The following NHS variants were observed in gnomAD, a reference collection of about 807,000 sequenced individuals.
NHS encodes actin remodeling regulator NHS.
Under a neutral mutation model 72.5 loss-of-function variants are expected in NHS, and 5 were observed. The observed-to-expected ratio is 0.07, with a 90% confidence interval of 0.04 to 0.14. The LOEUF is 0.14. Among genes scored for constraint, NHS ranks in the 10% least tolerant of loss-of-function variants. The probability of loss-of-function intolerance (pLI) is 1.00; values close to 1 mark genes in which losing one functional copy is unlikely to be tolerated. For synonymous variants in NHS, 464 were observed against 547.7 expected, an observed-to-expected ratio of 0.85 and a Z score of 2.13; for missense variants, 1,072 against 1,355.7, an observed-to-expected ratio of 0.79 and a Z score of 3.29.
chrX:17,425,193 G>A (rs1241801240), intron 1 of NHS, among the ~76,000 whole-genome samples: 1 of 111,607 alleles, frequency 9.0e-6, no homozygotes, highest in Admixed American at 9.5e-5. Flanking sequence ...AGCCCTCTTG[G>A]CAACCTTCTG....
At chrX:17,613,130 T>A (rs2065719240) in intron 1 of NHS, among the ~76,000 whole-genome samples, 2 of 110,995 alleles carry the variant, frequency 1.8e-5, no homozygotes, top group African/African-American at 6.6e-5. Context: ...CCCAGCACTT[T>A]GGGAGGCTGA....
In NHS at chrX:17,728,081, T is replaced by A; in HGVS notation, c.3975T>A (p.Ser1325=). ...AQPESVDVIT[S]QSDSPTRATD... ...CTGAATCTGTGGATGTAATCACATC[T>A]CAGTCAGACTCACCAACTAGAGCAA... Residue 1325 remains serine, a synonymous_variant, in exon 7 of 9, where the codon TCT becomes TCA. Coordinates refer to ENST00000676302, the MANE Select transcript of NHS (RefSeq NM_001291867.2). The A allele has an allele frequency of 8.3e-7, 1 of 1,211,448 alleles. No homozygotes were observed. The highest frequency in any genetic ancestry group is 1.1e-6 in the Non-Finnish European group (1 of 895,255).
intron 1 of NHS, among the ~76,000 whole-genome samples, chrX:17,494,341 A>G (rs1352698825): frequency 9.0e-6 from 1 of 111,658 alleles, no homozygotes; most frequent in African/African-American, 3.3e-5. Context: ...GGCCTCCCAA[A>G]GTGCTGGGAT....
intron 3 of NHS, among the ~76,000 whole-genome samples, chrX:17,708,872 A>G (rs1186244255): frequency 9.0e-6 from 1 of 111,629 alleles, no homozygotes; most frequent in Non-Finnish European, 1.9e-5. Flanking sequence ...ATGCCAGACT[A>G]GAAAGTTTGA....
At chrX:17,665,278 A>G (rs1420657605) in intron 1 of NHS, among the ~76,000 whole-genome samples, 1 of 106,512 alleles carries the variant, frequency 9.4e-6, no homozygotes, top group Non-Finnish European at 1.9e-5. Context: ...CCCAATCTTA[A>G]GGGAAATCAA....
At chrX:17,470,523 G>A (rs1173396624) in intron 1 of NHS, among the ~76,000 whole-genome samples, 1 of 111,599 alleles carries the variant, frequency 9.0e-6, no homozygotes, top group African/African-American at 3.3e-5. Flanking sequence ...TCACATGCCC[G>A]ATGTTATACG....
chrX:17,601,136 G>T (rs1484602085), intron 1 of NHS, among the ~76,000 whole-genome samples: 2 of 111,739 alleles, frequency 1.8e-5, no homozygotes, highest in Non-Finnish European at 3.8e-5. Context: ...TAGAGGGGGT[G>T]GCATTGGAGG....
At chrX:17,546,787 G>A (rs146276554) in intron 1 of NHS, among the ~76,000 whole-genome samples, 10 of 112,443 alleles carry the variant, frequency 8.9e-5, no homozygotes, top group East Asian at 5.6e-4. Flanking sequence ...GAAAGATTGC[G>A]TAGAAATGAG....
intron 1 of NHS, among the ~76,000 whole-genome samples, chrX:17,530,584 T>C (rs1211075072): frequency 4.5e-5 from 5 of 111,623 alleles, no homozygotes; most frequent in African/African-American, 1.3e-4. Context: ...CTGAATTTGC[T>C]GTTTAACATG....
intron 1 of NHS, chrX:17,635,282 G>C (rs937539885): frequency 1.9e-6 from 2 of 1,048,970 alleles, no homozygotes; most frequent in Non-Finnish European, 2.4e-6. Context: ...TGTCCAGGCT[G>C]CCCTGGAGTC....
chrX:17,522,200 CTGCTT>C (rs1424986649), intron 1 of NHS, among the ~76,000 whole-genome samples: 1 of 112,525 alleles, frequency 8.9e-6, no homozygotes, highest in Non-Finnish European at 1.9e-5. Context: ...TTCTGATTCT[CTGCTT>C]TGTGCTGCCT....
chrX:17,431,786 C>G (rs2064695657), intron 1 of NHS, among the ~76,000 whole-genome samples: 1 of 112,234 alleles, frequency 8.9e-6, no homozygotes, highest in Admixed American at 9.4e-5. Flanking sequence ...TGCAATTTCA[C>G]TGACAAATGG....
intron 1 of NHS, among the ~76,000 whole-genome samples, chrX:17,456,073 A>G (rs1338208873): frequency 8.9e-6 from 1 of 112,080 alleles, no homozygotes; most frequent in Non-Finnish European, 1.9e-5. Flanking sequence ...CCTGCCAGAT[A>G]CCAGAAGAGA....
intron 1 of NHS, among the ~76,000 whole-genome samples, chrX:17,540,053 A>G (rs2065255328): frequency 8.9e-6 from 1 of 112,436 alleles, no homozygotes; most frequent in Non-Finnish European, 1.9e-5. Context: ...TTGCTACAGC[A>G]TAACCTAGCC....
At chrX:17,480,582 C>A (rs1352013195) in intron 1 of NHS, among the ~76,000 whole-genome samples, 1 of 111,986 alleles carries the variant, frequency 8.9e-6, no homozygotes, top group African/African-American at 3.2e-5. Flanking sequence ...TAGCCATATG[C>A]AGAAAACTGA....
In NHS at chrX:17,376,038, A is replaced by T. The variant is rs1433853793; in HGVS notation, c.281A>T (p.Glu94Val). ...GGAGAGGCGTCCGTGGCTGGCGAGGAGAGCACGGCGGGGATCCCGGAGGCG... is the reference window on the plus strand; with the variant it reads ...GGAGAGGCGTCCGTGGCTGGCGAGGTGAGCACGGCGGGGATCCCGGAGGCG... Reference protein sequence around the residue: ...PHGEASVAGEESTAGIPEAAP... With the variant: ...PHGEASVAGEVSTAGIPEAAP... Residue 94 changes from glutamate to valine, a missense_variant, in exon 1 of 9, where the codon GAG becomes GTG. Glu to Val is a moderately radical substitution (Grantham distance 121). Coordinates refer to ENST00000676302, the MANE Select transcript of NHS (RefSeq NM_001291867.2). The T allele has an allele frequency of 5.6e-6, 6 of 1,073,723 alleles. No homozygotes were observed. The highest frequency in any genetic ancestry group is 3.5e-4 in the Middle Eastern group (1 of 2,841). The allele number at this position is 1,073,723 out of a possible 1,213,427, so 88.5% of individuals were successfully genotyped here. A position where few individuals can be genotyped will look rare whatever the true frequency, so the allele number is the denominator to read the frequency against.
chrX:17,430,259 TTTTC>T (rs56175001), intron 1 of NHS, among the ~76,000 whole-genome samples: 14,931 of 51,401 alleles, frequency 0.29, 2,284 homozygotes, highest in Middle Eastern at 0.34. Flanking sequence ...CCCTCTTTCT[TTTTC>T]TTTCTTTCTT....
chrX:17,521,649 C>T (rs2065149452), intron 1 of NHS, among the ~76,000 whole-genome samples: 1 of 111,736 alleles, frequency 8.9e-6, no homozygotes. Flanking sequence ...TGGCGTGAGC[C>T]ACCATGCCTG....
At chrX:17,669,332 A>T (rs1472549628) in intron 1 of NHS, among the ~76,000 whole-genome samples, 2 of 112,091 alleles carry the variant, frequency 1.8e-5, no homozygotes, top group Non-Finnish European at 3.8e-5. Context: ...TATTATCCTC[A>T]GCACATGAAA....
Sources: gnomAD v4.1 joint callset for allele counts (sites outside exome capture counted in the v4.1 genomes callset) on GRCh38, gnomAD v4.1.1 for gene constraint, MANE v1.5 for transcripts, NCBI Gene and HGNC (gene_info 2026-07-23, HGNC 2026-07-21) for gene names.